Variants in LRRTM4 observed in about 807,000 individuals in gnomAD.
LRRTM4 encodes the protein leucine-rich repeat transmembrane neuronal protein 4.
In LRRTM4, 25 loss-of-function variants were observed where a neutral mutation model predicts 47.6. The ratio of observed to expected loss-of-function variants is 0.53; its 90% CI spans 0.38 to 0.73. The LOEUF (loss-of-function observed/expected upper bound fraction) is 0.73, where lower values mean the gene tolerates loss of function less well. Ranked by LOEUF, LRRTM4 falls within the 30% of genes least tolerant of loss-of-function variation. The probability of loss-of-function intolerance (pLI) is 0.00; values close to 1 mark genes in which losing one functional copy is unlikely to be tolerated. For missense variants in LRRTM4, 638 were observed against 713.4 expected, an observed-to-expected ratio of 0.89 and a Z score of 1.20; for synonymous variants, 311 against 269.5, an observed-to-expected ratio of 1.15 and a Z score of -1.51.
intron 3 of LRRTM4, among the ~76,000 whole-genome samples, chr2:76,887,497 A>G (rs1673114797): frequency 6.9e-6 from 1 of 145,562 alleles, no homozygotes; most frequent in African/African-American, 2.5e-5. Context: ...TTTTATATTT[A>G]TATATACACA....
At chr2:77,297,725 TA>T (rs998493605) in intron 3 of LRRTM4, among the ~76,000 whole-genome samples, 2 of 152,170 alleles carry the variant, frequency 1.3e-5, no homozygotes, top group African/African-American at 4.8e-5. Context: ...ACTCTTCTAT[TA>T]AAAGCCAAGA....
At chr2:77,063,450 C>T (rs1679857235) in intron 3 of LRRTM4, among the ~76,000 whole-genome samples, 1 of 151,972 alleles carries the variant, frequency 6.6e-6, no homozygotes, top group Admixed American at 6.6e-5. Context: ...TCTGTTTCTA[C>T]CAAATTACCT....
chr2:77,091,499 T>C (rs200393733), intron 3 of LRRTM4, among the ~76,000 whole-genome samples: 5 of 150,326 alleles, frequency 3.3e-5, no homozygotes, highest in South Asian at 4.3e-4. Flanking sequence ...CCTTACAAGT[T>C]AGTTCAGGAT....
At chr2:77,004,309 G>A (rs1354223929) in intron 3 of LRRTM4, among the ~76,000 whole-genome samples, 2 of 152,192 alleles carry the variant, frequency 1.3e-5, no homozygotes, top group Admixed American at 6.5e-5. Context: ...CCTGCTGTGT[G>A]CAGCCTACGT....
chr2:76,908,193 G>A (rs1318983220), intron 3 of LRRTM4, among the ~76,000 whole-genome samples: 41 of 149,238 alleles, frequency 2.7e-4, no homozygotes, highest in East Asian at 2.0e-3. Flanking sequence ...TTCAATATAC[G>A]CAAATCAATA....
chr2:77,514,108 A>G, intron 3 of LRRTM4, among the ~76,000 whole-genome samples: 1 of 152,008 alleles, frequency 6.6e-6, no homozygotes, highest in South Asian at 2.1e-4. Flanking sequence ...ATAAACTCAC[A>G]TACAAACACA....
At chr2:76,946,304 T>C (rs768505300) in intron 3 of LRRTM4, among the ~76,000 whole-genome samples, 1 of 151,936 alleles carries the variant, frequency 6.6e-6, no homozygotes, top group Non-Finnish European at 1.5e-5. Flanking sequence ...GTTTGTTCAG[T>C]GTATACGTGT....
intron 3 of LRRTM4, among the ~76,000 whole-genome samples, chr2:77,024,777 T>C (rs1362652830): frequency 1.3e-5 from 2 of 152,138 alleles, no homozygotes; most frequent in African/African-American, 4.8e-5. Flanking sequence ...AAGTATATAG[T>C]AGGAATTCTA....
At chr2:77,204,331 GTAAC>G (rs1395206782) in intron 3 of LRRTM4, among the ~76,000 whole-genome samples, 1 of 151,916 alleles carries the variant, frequency 6.6e-6, no homozygotes, top group Non-Finnish European at 1.5e-5. Context: ...GTTTTTAAAG[GTAAC>G]TCTTCACTGA....
At chr2:77,153,522 A>C (rs1320224158) in intron 3 of LRRTM4, among the ~76,000 whole-genome samples, 1 of 152,218 alleles carries the variant, frequency 6.6e-6, no homozygotes, top group Non-Finnish European at 1.5e-5. Flanking sequence ...CCATGAAAAG[A>C]AATGTAGAAT....
intron 3 of LRRTM4, among the ~76,000 whole-genome samples, chr2:77,131,734 T>C (rs1009223477): frequency 1.3e-5 from 2 of 152,122 alleles, no homozygotes; most frequent in African/African-American, 2.4e-5. Flanking sequence ...ATCTAAAGCC[T>C]CCCCTTTTCA....
chr2:76,938,939 T>C (rs1336903716), intron 3 of LRRTM4, among the ~76,000 whole-genome samples: 3 of 152,080 alleles, frequency 2.0e-5, no homozygotes, highest in African/African-American at 7.2e-5. Flanking sequence ...ACATTATAGG[T>C]TTGTGACATT....
Position 77,242,875 on chromosome 2 carries a change from T to C in LRRTM4, c.1551+275443A>G, listed in dbSNP as rs576695176. 5.3e-4 allele frequency among the ~76,000 whole-genome samples: 81 copies of C among 152,294 alleles called. 1 individual carries two copies. The highest frequency in any genetic ancestry group is 3.2e-3 in the Admixed American group (49 of 15,300). On this transcript the variant is annotated intron_variant, in intron 3 of 3. Coordinates refer to ENST00000409884, the MANE Select transcript of LRRTM4 (RefSeq NM_001134745.3). ...TCCAAGAATTCCACTTCTAGGTATA[T>C]ACCTACAAGTAACTGTTAGAGTGGT...
intron 3 of LRRTM4, among the ~76,000 whole-genome samples, chr2:76,830,624 A>G: frequency 6.6e-6 from 1 of 151,858 alleles, no homozygotes; most frequent in African/African-American, 2.4e-5. Flanking sequence ...CTGAAATTTT[A>G]AGATTTTATA....
chr2:76,780,754 C>T (rs1386268186), intron 3 of LRRTM4, among the ~76,000 whole-genome samples: 2 of 152,178 alleles, frequency 1.3e-5, no homozygotes, highest in East Asian at 1.9e-4. Context: ...CTTCTTCTCT[C>T]AGCTTGTCAA....
chr2:77,440,680 G>T (rs751530160), intron 3 of LRRTM4, among the ~76,000 whole-genome samples: 17 of 152,138 alleles, frequency 1.1e-4, no homozygotes, highest in African/African-American at 3.9e-4. Context: ...TCTTACAAAG[G>T]CAGTGCAAAT....
At chr2:77,400,173 C>T (rs1240639827) in intron 3 of LRRTM4, among the ~76,000 whole-genome samples, 3 of 151,804 alleles carry the variant, frequency 2.0e-5, no homozygotes, top group African/African-American at 7.2e-5. Flanking sequence ...TTATTTTCTT[C>T]TTGAAATGCT....
At chr2:77,501,174 G>A (rs566739583) in intron 3 of LRRTM4, among the ~76,000 whole-genome samples, 3 of 150,320 alleles carry the variant, frequency 2.0e-5, no homozygotes, top group African/African-American at 7.3e-5. Context: ...GTAGAAACTG[G>A]ATGGAAATAA....
In LRRTM4 at chr2:76,907,145, C is replaced by G. The variant is rs1263058594; in HGVS notation, c.1552-158229G>C. On this transcript the variant is annotated intron_variant, in intron 3 of 3. Transcript: ENST00000409884. ...GAACAGAAATTATAACAAACTATCT[C>G]TCAGACCACAGTGCAATCAAACTAG... Among the ~76,000 whole-genome samples, 6 of 151,820 alleles carry G rather than the reference C, an allele frequency of 4.0e-5. No homozygotes were observed. The South Asian group carries it at 1.2e-3, about 32-fold the overall frequency.
Sources: allele counts gnomAD v4.1 joint callset (sites outside exome capture counted in the v4.1 genomes callset), GRCh38; gene constraint gnomAD v4.1.1; transcripts MANE v1.5; gene names NCBI Gene and HGNC (gene_info 2026-07-23, HGNC 2026-07-21).